Variants in EPG5 observed in about 807,000 individuals in gnomAD.
The protein encoded by EPG5 is ectopic P-granules 5 autophagy tethering factor, also known as ectopic P granules protein 5 homolog.
EPG5 carries 159 observed loss-of-function variants against 302.7 expected under a neutral mutation model. The ratio of observed to expected loss-of-function variants is 0.53; its 90% CI spans 0.46 to 0.60. The LOEUF (loss-of-function observed/expected upper bound fraction) is 0.60, where lower values mean the gene tolerates loss of function less well. Among genes scored for constraint, EPG5 ranks in the 20% least tolerant of loss-of-function variants. The pLI, the probability that EPG5 is intolerant of heterozygous loss-of-function variation, is 0.00. For synonymous variants in EPG5, 1,158 were observed against 1,136.8 expected, an observed-to-expected ratio of 1.02 and a Z score of -0.37; for missense variants, 2,896 against 3,092.4, an observed-to-expected ratio of 0.94 and a Z score of 1.51.
intron 6 of EPG5, among the ~76,000 whole-genome samples, chr18:45,947,828 A>G (rs1375778893): frequency 6.6e-6 from 1 of 151,772 alleles, no homozygotes; most frequent in Admixed American, 6.6e-5. Context: ...GCTGGAGTGC[A>G]GTGACACGAT....
At chr18:45,937,239 C>T (rs901242170) in intron 10 of EPG5, among the ~76,000 whole-genome samples, 1,719 of 58,972 alleles carry the variant, frequency 0.029, 17 homozygotes, top group East Asian at 0.17. Context: ...TATATATACA[C>T]ACACACACAC....
Position 45,910,712 on chromosome 18 carries a change from C to A in EPG5, c.4014G>T (p.Arg1338Ser), listed in dbSNP as rs776251131. The change falls in exon 23 of 44, where the codon AGG becomes AGT. Residue 1338 changes from arginine (R) to serine (S), a missense_variant. Around this residue, in one of 5 missense-constraint regions of EPG5, gnomAD observed 790 missense variants for 798.0 expected, o/e 0.99. Transcript: ENST00000282041. ...GLPIDGCIGR[R>S]FFQSPAHINL... is the part of the protein sequence containing the mutation. ...TGATATGAGCAGGACTTTGAAAAAA[C>A]CTTCTTCCAATACAACCATCTATGG... 3.1e-6 allele frequency: 5 copies of A among 1,614,102 alleles called. No homozygotes were observed. The highest frequency in any genetic ancestry group is 3.3e-5 in the Admixed American group (2 of 60,014).
the EPG5 span, among the ~76,000 whole-genome samples, chr18:45,821,427 G>A: frequency 6.6e-6 from 1 of 152,114 alleles, no homozygotes; most frequent in Non-Finnish European, 1.5e-5. Context: ...TTATCACAAG[G>A]TGCCTAAGAC....
At chr18:45,899,271 T>C (rs2049550074) in intron 27 of EPG5, 133 bp downstream of exon 27, 3 of 1,012,404 alleles carry the variant, frequency 3.0e-6, no homozygotes, top group East Asian at 2.6e-5. Flanking sequence ...AGTGTTTTCA[T>C]GCCCTGCAAA....
intron 27 of EPG5, among the ~76,000 whole-genome samples, chr18:45,897,069 T>C (rs1013856456): frequency 2.0e-5 from 3 of 152,216 alleles, no homozygotes; most frequent in African/African-American, 7.2e-5. Context: ...AGACAAATAA[T>C]ATAATACTAT....
chr18:45,822,982 T>C, the EPG5 span, among the ~76,000 whole-genome samples: 1 of 152,084 alleles, frequency 6.6e-6, no homozygotes, highest in Non-Finnish European at 1.5e-5. Flanking sequence ...AGAGGAAAGA[T>C]AGACAAAAAT....
intron 41 of EPG5, 103 bp from the exon 42 acceptor site, chr18:45,858,171 A>AC (rs1480384464): frequency 1.1e-5 from 9 of 839,564 alleles, no homozygotes; most frequent in Non-Finnish European, 1.3e-5. Context: ...GACATTCAGT[A>AC]CTTCAAAAGC....
At chr18:45,896,383 T>TAA (rs148027045) in intron 27 of EPG5, among the ~76,000 whole-genome samples, 271 of 152,280 alleles carry the variant, frequency 1.8e-3, no homozygotes, top group African/African-American at 6.2e-3. Context: ...AGCAGAAAAG[T>TAA]AAAACCTGCT....
chr18:45,926,575 C>A (rs567136592), intron 13 of EPG5, among the ~76,000 whole-genome samples: 2 of 152,148 alleles, frequency 1.3e-5, no homozygotes, highest in East Asian at 3.9e-4. Context: ...GCCTGTAATC[C>A]CAGCACTTTG....
Position 45,852,442 on chromosome 18 carries a change from G to A in EPG5, c.*25C>T. 1 of 1,593,894 alleles carries A rather than the reference G, an allele frequency of 6.3e-7. No homozygotes were observed. The highest frequency in any genetic ancestry group is 8.5e-7 in the Non-Finnish European group (1 of 1,170,348). On this transcript the variant is annotated 3_prime_UTR_variant, in exon 44 of 44. Coordinates refer to ENST00000282041, the MANE Select transcript of EPG5 (RefSeq NM_020964.3). ...TTAAATGTAAACATAAACAGCAATG[G>A]GTTTTTCAAGAGCCTCAGTGTTAAC...
chr18:45,955,344 A>G lies in EPG5; in HGVS notation c.64-6T>C. The G allele has an allele frequency of 6.6e-7, 1 of 1,514,638 alleles. No individual in the cohort carries two copies. The highest frequency in any genetic ancestry group is 8.9e-7 in the Non-Finnish European group (1 of 1,122,998). The allele number at this position is 1,514,638 out of a possible 1,614,324, so 93.8% of individuals were successfully genotyped here. A position where few individuals can be genotyped will look rare whatever the true frequency, so the allele number is the denominator to read the frequency against. On this transcript the variant is annotated splice_polypyrimidine_tract_variant and splice_region_variant and intron_variant, in intron 1 of 43. Coordinates refer to ENST00000282041, the MANE Select transcript of EPG5 (RefSeq NM_020964.3). ...GTTTCATACTTCTTCTTTTCCTAAA[A>G]ACAACATACATAATGTGAAATAATT...
chr18:45,938,065 A>G (rs1367291318), intron 10 of EPG5, among the ~76,000 whole-genome samples: 7 of 152,236 alleles, frequency 4.6e-5, no homozygotes, highest in Admixed American at 1.3e-4. Context: ...GGCCAGCGTC[A>G]GTGGACAGGT....
At chr18:45,958,891 C>G (rs948794591) in intron 1 of EPG5, among the ~76,000 whole-genome samples, 1 of 152,184 alleles carries the variant, frequency 6.6e-6, no homozygotes, top group Non-Finnish European at 1.5e-5. Context: ...ACTGGTTCAT[C>G]TGATCTTGTG....
chr18:45,905,796 G>T (rs749783356), intron 24 of EPG5, among the ~76,000 whole-genome samples: 22 of 152,302 alleles, frequency 1.4e-4, no homozygotes, highest in Non-Finnish European at 5.9e-5. Context: ...ATAAATCTCA[G>T]AGAACCAAGA....
chr18:45,851,348 T>C lies in EPG5; in HGVS notation c.*1119A>G, dbSNP rs1459079755. The C allele has an allele frequency of 6.6e-6, 1 of 152,068 alleles. No individual in the cohort carries two copies. Among genetic ancestry groups the C allele is most frequent in the South Asian group, 2.1e-4 (1 of 4,822 alleles). 9.4% of individuals were successfully genotyped at this position (152,068 alleles called of 1,614,324 possible). On this transcript the variant is annotated 3_prime_UTR_variant, in exon 44 of 44. Transcript: ENST00000282041. ...AGGAGAAATAACATGAGCAAGAAGA[T>C]GGCCACAGAACAAGGCAAAGTTACA...
chr18:45,860,115 T>C lies in EPG5; in HGVS notation c.6998A>G (p.Tyr2333Cys), dbSNP rs755119328. Residue 2333 changes from tyrosine (Y) to cysteine (C), a missense_variant, in exon 40 of 44, where the codon TAC (tyrosine) becomes TGC (cysteine). Tyr to Cys is a radical substitution (Grantham distance 194, BLOSUM62 -2). Transcript: ENST00000282041. ...AETTEACITAYFKESPLNQNS... is the reference protein window; with the variant it reads ...AETTEACITACFKESPLNQNS... ...TGACCTCCTCTTACTTTCTTTGAAG[T>C]AGGCAGTGATGCAGGCTTCTGTAGT... The C allele has an allele frequency of 1.2e-6, 2 of 1,614,216 alleles. No individual in the cohort carries two copies. Among genetic ancestry groups the C allele is most frequent in the Non-Finnish European group, 1.7e-6 (2 of 1,180,048 alleles).
Position 45,899,538 on chromosome 18 carries a change from C to A in EPG5, c.4675G>T (p.Val1559Phe). The change falls in exon 27 of 44, where the codon GTT becomes TTT. Residue 1559 changes from valine (V) to phenylalanine (F), a missense_variant. Val to Phe is a conservative substitution (Grantham distance 50). Around this residue, in one of 5 missense-constraint regions of EPG5, gnomAD observed 790 missense variants for 798.0 expected, o/e 0.99. Transcript: ENST00000282041. ...RTAALRESQQ[V>F]ALDGELLDTM... ...TCTAACAGCTCACCATCCAGAGCAA[C>A]CTGCTGAGATTCCCGAAGAGCTGCG... 6.2e-7 allele frequency: 1 copy of A among 1,614,112 alleles called. No individual in the cohort carries two copies.
intron 1 of EPG5, among the ~76,000 whole-genome samples, chr18:45,962,189 T>C (rs1353216383): frequency 3.9e-5 from 6 of 152,200 alleles, no homozygotes; most frequent in Non-Finnish European, 5.9e-5. Flanking sequence ...AATAATACTA[T>C]GCAGCATCCC....
Position 45,858,692 on chromosome 18 carries a change from A to G in EPG5, c.7100T>C (p.Leu2367Pro). 6.2e-7 allele frequency: 1 copy of G among 1,614,150 alleles called. No homozygotes were observed. Among genetic ancestry groups the G allele is most frequent in the Non-Finnish European group, 8.5e-7 (1 of 1,180,008 alleles). ...LTMEEFLQEC[L>P]TLGSYLTLYV... Reference sequence around the variant, plus strand: ...AAGAGTCAAGTAACTGCCCAAGGTGAGGCACTCCTGCAGGAACTCTTCCAT... The same window carrying G: ...AAGAGTCAAGTAACTGCCCAAGGTGGGGCACTCCTGCAGGAACTCTTCCAT... Residue 2367 changes from leucine to proline, a missense_variant, in exon 41 of 44, where the codon CTC becomes CCC. Transcript: ENST00000282041.
Sources: gnomAD v4.1 joint callset for allele counts (sites outside exome capture counted in the v4.1 genomes callset) on GRCh38, gnomAD v4.1.1 for gene constraint, gnomAD v4.1.1 regional missense constraint, MANE v1.5 for transcripts, NCBI Gene and HGNC (gene_info 2026-07-23, HGNC 2026-07-21) for gene names.